Variants in TEAD1 observed in about 807,000 individuals in gnomAD.
TEAD1 encodes the protein TEA domain transcription factor 1, also known as transcriptional enhancer factor TEF-1.
A neutral mutation model predicts 54.9 loss-of-function variants in TEAD1; 9 were observed. That is an observed-to-expected ratio of 0.16 (90% confidence interval 0.10 to 0.29). TEAD1 has a LOEUF of 0.29. Among genes scored for constraint, TEAD1 ranks in the 10% least tolerant of loss-of-function variants. The probability of loss-of-function intolerance (pLI) is 1.00; values close to 1 mark genes in which losing one functional copy is unlikely to be tolerated. For missense variants in TEAD1, 387 were observed against 535.9 expected (o/e 0.72, Z 2.74); for synonymous variants, 200 against 187.8 (o/e 1.07, Z -0.53).
In TEAD1 at chr11:12,902,096, T is replaced by G; in HGVS notation, c.856T>G (p.Phe286Val). The G allele has an allele frequency of 1.2e-6, 2 of 1,614,260 alleles. No individual in the cohort carries two copies. Among genetic ancestry groups the G allele is most frequent in the Non-Finnish European group, 1.7e-6 (2 of 1,180,040 alleles). Residue 286 changes from phenylalanine (F) to valine (V), a missense_variant, in exon 10 of 13, where the codon TTC (phenylalanine) becomes GTC (valine). By Grantham distance (50) the Phe-to-Val change is conservative (BLOSUM62 -1). This residue lies in a region of TEAD1 where 123 missense variants were observed against 199.0 expected (regional missense o/e 0.62). Coordinates refer to ENST00000527636, the MANE Select transcript of TEAD1 (RefSeq NM_021961.6). ...TGGAAAGGGCCCTCAAAATGCCTTCTTCCTCGTAAAATTCTGGGTGAGTAA... is the reference window on the plus strand; with the variant it reads ...TGGAAAGGGCCCTCAAAATGCCTTCGTCCTCGTAAAATTCTGGGTGAGTAA...
intron 3 of TEAD1, among the ~76,000 whole-genome samples, chr11:12,772,615 T>C (rs1298381027): frequency 6.6e-6 from 1 of 152,208 alleles, no homozygotes; most frequent in Non-Finnish European, 1.5e-5. Context: ...CTTTCTTTTT[T>C]ATTTGAAATT....
At chr11:12,680,624 A>G (rs752971759) in intron 2 of TEAD1, among the ~76,000 whole-genome samples, 3 of 152,222 alleles carry the variant, frequency 2.0e-5, no homozygotes, top group Non-Finnish European at 4.4e-5. Context: ...CACCTGATCT[A>G]TCCCCGTACA....
chr11:12,759,222 T>C (rs1477249427), intron 2 of TEAD1, among the ~76,000 whole-genome samples: 2 of 152,132 alleles, frequency 1.3e-5, no homozygotes, highest in African/African-American at 4.8e-5. Flanking sequence ...GTGTCCTATC[T>C]CATCTCTTGT....
chr11:12,924,859 C>T, intron 10 of TEAD1, 53 bp from the exon 11 acceptor site: 1 of 1,610,462 alleles, frequency 6.2e-7, no homozygotes. Flanking sequence ...CTGCTCGGTG[C>T]CATGACTCCT....
At chr11:12,701,858 T>G in intron 2 of TEAD1, among the ~76,000 whole-genome samples, 1 of 152,200 alleles carries the variant, frequency 6.6e-6, no homozygotes, top group Non-Finnish European at 1.5e-5. Context: ...TATGATCTCC[T>G]GGACTACACT....
chr11:12,857,491 A>C (rs117757338), intron 3 of TEAD1, among the ~76,000 whole-genome samples: 1 of 152,184 alleles, frequency 6.6e-6, no homozygotes. Context: ...GTTTTAGGAA[A>C]ATAATAAGTA....
At chr11:12,697,038 A>G (rs1256114391) in intron 2 of TEAD1, among the ~76,000 whole-genome samples, 1 of 152,162 alleles carries the variant, frequency 6.6e-6, no homozygotes, top group Non-Finnish European at 1.5e-5. Flanking sequence ...AGGTTCAAGC[A>G]TGGCAGGTGA....
At chr11:12,933,313 GAATT>G (rs760432604) in intron 12 of TEAD1, among the ~76,000 whole-genome samples, 135 of 152,058 alleles carry the variant, frequency 8.9e-4, no homozygotes, top group Non-Finnish European at 1.6e-3. Context: ...ATATATATTA[GAATT>G]AATAGTTTAG....
At chr11:12,924,712 T>A (rs997321609) in intron 10 of TEAD1, among the ~76,000 whole-genome samples, 200 bp from the exon 11 acceptor site, 8 of 152,224 alleles carry the variant, frequency 5.3e-5, no homozygotes, top group Non-Finnish European at 1.0e-4. Flanking sequence ...TAGCATGTCA[T>A]TTCAAGAGAG....
At chr11:12,895,403 A>C (rs150971157) in intron 9 of TEAD1, among the ~76,000 whole-genome samples, 1,581 of 152,318 alleles carry the variant, frequency 0.01, 51 homozygotes, top group Admixed American at 0.062. Context: ...TCCTTGATCC[A>C]GGTAGGGTTT....
chr11:12,792,316 T>G (rs1020375056), intron 3 of TEAD1, among the ~76,000 whole-genome samples: 3 of 55,658 alleles, frequency 5.4e-5, no homozygotes, highest in Non-Finnish European at 1.2e-4. Context: ...GTAAAGATAA[T>G]ATAAAAATAT....
intron 5 of TEAD1, among the ~76,000 whole-genome samples, chr11:12,871,699 A>G (rs10831913): frequency 0.23 from 34,515 of 152,076 alleles, 5,446 homozygotes; most frequent in East Asian, 0.71. Flanking sequence ...ACTGTGGGCC[A>G]TCTCCATCTT....
At chr11:12,909,334 C>T (rs1269501026) in intron 10 of TEAD1, among the ~76,000 whole-genome samples, 4 of 152,144 alleles carry the variant, frequency 2.6e-5, no homozygotes, top group Non-Finnish European at 4.4e-5. Context: ...TTATTGAATA[C>T]TATGCAGCCA....
chr11:12,802,055 C>G (rs1946070016), intron 3 of TEAD1, among the ~76,000 whole-genome samples: 1 of 152,130 alleles, frequency 6.6e-6, no homozygotes, highest in Non-Finnish European at 1.5e-5. Flanking sequence ...TATGCCAAGC[C>G]CTGTTCACAT....
At chr11:12,865,011 C>A in intron 5 of TEAD1, 111 bp downstream of exon 5, 1 of 1,156,374 alleles carries the variant, frequency 8.6e-7, no homozygotes, top group Non-Finnish European at 1.3e-6. Flanking sequence ...AGTTTCCTTG[C>A]ATGTGAGAGC....
intron 2 of TEAD1, among the ~76,000 whole-genome samples, chr11:12,749,461 C>T (rs907794135): frequency 5.3e-5 from 8 of 152,058 alleles, no homozygotes; most frequent in Admixed American, 1.3e-4. Context: ...GCTGGGGACC[C>T]GTAGAAAATG....
chr11:12,926,763 G>A (rs1236673817), intron 11 of TEAD1, among the ~76,000 whole-genome samples: 1 of 152,112 alleles, frequency 6.6e-6, no homozygotes, highest in African/African-American at 2.4e-5. Flanking sequence ...GAAGAACAGA[G>A]GACAAAAATG....
chr11:12,674,980 G>C (rs1184218365), intron 1 of TEAD1, 146 bp downstream of exon 1: 1 of 145,240 alleles, frequency 6.9e-6, no homozygotes, highest in Non-Finnish European at 1.5e-5. Flanking sequence ...GGCCGCGGCC[G>C]GGCCCCCACA....
intron 3 of TEAD1, among the ~76,000 whole-genome samples, chr11:12,807,216 C>T (rs1001225716): frequency 9.2e-5 from 14 of 152,250 alleles, no homozygotes; most frequent in African/African-American, 3.1e-4. Flanking sequence ...TTTTTTATCC[C>T]ATGAGGTTTT....
Sources: gnomAD v4.1 joint callset for allele counts (sites outside exome capture counted in the v4.1 genomes callset) on GRCh38, gnomAD v4.1.1 for gene constraint, gnomAD v4.1.1 regional missense constraint, MANE v1.5 for transcripts, NCBI Gene and HGNC (gene_info 2026-07-23, HGNC 2026-07-21) for gene names.